The following STAT2 variants were observed in gnomAD, a reference collection of about 807,000 sequenced individuals.
The protein encoded by STAT2 is interferon alpha induced transcriptional activator.
A neutral mutation model predicts 122.3 loss-of-function variants in STAT2; 51 were observed. The ratio of observed to expected loss-of-function variants is 0.42; its 90% CI spans 0.33 to 0.53. STAT2 has a LOEUF of 0.53. STAT2 is among the 20% of genes least tolerant of loss of function. STAT2 has a pLI of 0.10. For synonymous variants in STAT2, 351 were observed against 394.9 expected (o/e 0.89, Z 1.32); for missense variants, 736 against 1,010.3 (o/e 0.73, Z 3.68).
chr12:56,347,185 C>A (rs1424232252), intron 19 of STAT2, among the ~76,000 whole-genome samples: 1 of 151,886 alleles, frequency 6.6e-6, no homozygotes, highest in African/African-American at 2.4e-5. Context: ...CACAGATGAA[C>A]AGCACTTTTT....
intron 8 of STAT2, 142 bp downstream of exon 8, chr12:56,354,324 T>C (rs1879176855): frequency 1.5e-6 from 2 of 1,314,188 alleles, no homozygotes; most frequent in African/African-American, 2.9e-5. Context: ...AGGAGCAGAA[T>C]AGAGCTGCAG....
chr12:56,355,176 G>A (rs1879307890), intron 6 of STAT2, 100 bp downstream of exon 6: 2 of 1,388,764 alleles, frequency 1.4e-6, no homozygotes, highest in Admixed American at 1.8e-5. Context: ...GGGTGTGTCT[G>A]ACAGTGACTA....
chr12:56,352,216 C>T (rs572648858), intron 8 of STAT2, among the ~76,000 whole-genome samples: 3 of 152,094 alleles, frequency 2.0e-5, no homozygotes, highest in African/African-American at 7.2e-5. Flanking sequence ...ACATTTTTAA[C>T]TACTGTACTT....
chr12:56,344,167 G>C lies in STAT2; in HGVS notation c.2103-32C>G, dbSNP rs554169338. On this transcript the variant is annotated intron_variant, in intron 22 of 23. Coordinates refer to ENST00000314128, the MANE Select transcript of STAT2 (RefSeq NM_005419.4). Reference sequence around the variant, plus strand: ...ACCCAAAGACAGACAAAGGGGCAGGGCTCAGTGGTTCAAATGAAATCAGGA... The same window carrying C: ...ACCCAAAGACAGACAAAGGGGCAGGCCTCAGTGGTTCAAATGAAATCAGGA... 3.6e-4 allele frequency: 559 copies of C among 1,532,634 alleles called. 2 individuals are homozygous for C. The highest frequency in any genetic ancestry group is 4.5e-4 in the Non-Finnish European group (508 of 1,134,488). The allele number at this position is 1,532,634 out of a possible 1,614,324, so 94.9% of individuals were successfully genotyped here.
At position 56,350,370 on chromosome 12, in the gene STAT2, TAC is replaced by T. The variant is rs1565653293; in HGVS notation, c.1115+40_1115+41del. ...CTGCCGAATGTGGTTCTGCAGGTCATACACTGTACAGATGTTTGCAGTGTCCT... is the reference window on the plus strand; with the variant it reads ...CTGCCGAATGTGGTTCTGCAGGTCATACTGTACAGATGTTTGCAGTGTCCT... On this transcript the variant is annotated intron_variant, in intron 12 of 23. Coordinates refer to ENST00000314128, the MANE Select transcript of STAT2 (RefSeq NM_005419.4). 2.5e-6 allele frequency: 4 copies of T among 1,579,284 alleles called. No individual in the cohort carries two copies. In the Admixed American group the frequency reaches 5.6e-5, roughly 22 times the overall value.
rs562740965 is a variant in STAT2, at chr12:56,355,877, C to A, written c.286-74G>T. 2.5e-3 allele frequency: 3,641 copies of A among 1,452,166 alleles called. 12 individuals carry two copies. Among genetic ancestry groups the A allele is most frequent in the Non-Finnish European group, 2.9e-3 (3,011 of 1,036,130 alleles). 90.0% of individuals were successfully genotyped at this position (1,452,166 alleles called of 1,614,324 possible). ...GACCTATTGCCCTAGACCCTCCCCA[C>A]CAATGTCCACAGTATTTCCTCCTCC... On this transcript the variant is annotated intron_variant, in intron 3 of 23. Transcript: ENST00000314128.
chr12:56,346,823 A>G lies in STAT2; in HGVS notation c.1857T>C (p.Asp619=). 6.2e-7 allele frequency: 1 copy of G among 1,614,176 alleles called. No individual in the cohort carries two copies. The highest frequency in any genetic ancestry group is 1.1e-5 in the South Asian group (1 of 91,082). The change falls in exon 20 of 24, where the codon GAT becomes GAC. Residue 619 remains aspartate, a synonymous_variant. Transcript: ENST00000314128. Reference sequence around the variant, plus strand: ...TGGCAGGGCAGAGCAGCTGACCATCATCCTGGTGCTCCACCCAGGAGCAGG... The same window carrying G: ...TGGCAGGGCAGAGCAGCTGACCATCGTCCTGGTGCTCCACCCAGGAGCAGG... The part of the protein sequence containing the change: ...GITCSWVEHQ[D]DDKVLIYSVQ...
At chr12:56,354,041 A>G (rs1262826160) in intron 8 of STAT2, among the ~76,000 whole-genome samples, 4 of 44,850 alleles carry the variant, frequency 8.9e-5, no homozygotes, top group African/African-American at 1.4e-4. Context: ...ATATATATAT[A>G]AAAAATACTG....
intron 22 of STAT2, among the ~76,000 whole-genome samples, chr12:56,345,516 A>ATATATATATAT (rs1877269220): frequency 3.8e-5 from 1 of 26,150 alleles, no homozygotes; most frequent in Non-Finnish European, 6.1e-5. Context: ...AAAAAAAAAA[A>ATATATATATAT]AAAAAAAAAT....
In STAT2 at chr12:56,349,501, T is replaced by C; in HGVS notation, c.1266A>G (p.Leu422=). 1 of 1,614,228 alleles carries C rather than the reference T, an allele frequency of 6.2e-7. No individual in the cohort carries two copies. The highest frequency in any genetic ancestry group is 8.5e-7 in the Non-Finnish European group (1 of 1,180,042). ...TGATGTGCAGTTCCTCTGTCACACC[T>C]AGTGGCCCCTGGGACAGCCAAAGAC... ...GSGKGSNKGP[L]GVTEELHIIS... Residue 422 remains leucine (L), a synonymous_variant, in exon 15 of 24, where the codon CTA becomes CTG. Coordinates refer to ENST00000314128, the MANE Select transcript of STAT2 (RefSeq NM_005419.4).
chr12:56,350,293 C>T (rs1878249492), intron 12 of STAT2, 103 bp from the exon 13 acceptor site: 1 of 1,438,898 alleles, frequency 6.9e-7, no homozygotes, highest in African/African-American at 1.4e-5. Flanking sequence ...ATCTCGCCAT[C>T]TCCCTTTGTC....
At chr12:56,348,119 T>C (rs976315235) in intron 19 of STAT2, among the ~76,000 whole-genome samples, 1 of 148,936 alleles carries the variant, frequency 6.7e-6, no homozygotes, top group Non-Finnish European at 1.5e-5. Context: ...GACGGAGTCT[T>C]GCTCGTCACC....
At position 56,348,998 on chromosome 12, in the gene STAT2, C is replaced by T. The variant is rs2066809; in HGVS notation, c.1502G>A (p.Ser501Asn). The T allele has an allele frequency of 2.0e-5, 32 of 1,613,854 alleles. No individual in the cohort carries two copies. In the East Asian group the frequency reaches 6.9e-4, roughly 35 times the overall value. ...APWSLLGPAL[S>N]WQFSSYVGRG... ...GCCAACATAGGAGGAGAACTGCCAA[C>T]TGAGAGCAGGGCCCAGCAAGCTCCA... is the stretch of plus-strand genomic sequence containing the variant. Residue 501 changes from serine to asparagine, a missense_variant, in exon 17 of 24, where the codon AGT becomes AAT. Physicochemically the swap from Ser to Asn is conservative, Grantham distance 46 (BLOSUM62 1). Coordinates refer to ENST00000314128, the MANE Select transcript of STAT2 (RefSeq NM_005419.4).
At position 56,343,864 on chromosome 12, in the gene STAT2, G is replaced by A; in HGVS notation, c.2374C>T (p.Pro792Ser). The stretch of plus-strand genomic sequence containing the variant: ...GTGTTCAAATGTCTCAGATCACAGG[G>A]CAAATCTGGCTCTGGCACTGGCTGT... ...VSQPVPEPDL[P>S]CDLRHLNTEP... The change falls in exon 23 of 24, where the codon CCC becomes TCC. Residue 792 changes from proline to serine, a missense_variant. By Grantham distance (74) the Pro-to-Ser change is moderately conservative (BLOSUM62 -1). Coordinates refer to ENST00000314128, the MANE Select transcript of STAT2 (RefSeq NM_005419.4). 1 of 1,614,194 alleles carries A rather than the reference G, an allele frequency of 6.2e-7. No individual in the cohort carries two copies. Among genetic ancestry groups the A allele is most frequent in the Non-Finnish European group, 8.5e-7 (1 of 1,180,042 alleles).
At position 56,346,758 on chromosome 12, in the gene STAT2, G is replaced by A. The variant is rs1877527397; in HGVS notation, c.1861+61C>T. The A allele has an allele frequency of 4.3e-6, 7 of 1,611,236 alleles. No individual in the cohort carries two copies. The African/African-American group carries it at 5.3e-5, about 12-fold the overall frequency. Reference sequence around the variant, plus strand: ...CAGGGAAGCCAAGGGCAGGCAGAGGGGCAAGAGGGGAGCCAGGCAGAAAGG... The same window carrying A: ...CAGGGAAGCCAAGGGCAGGCAGAGGAGCAAGAGGGGAGCCAGGCAGAAAGG... On this transcript the variant is annotated intron_variant, in intron 20 of 23. Coordinates refer to ENST00000314128, the MANE Select transcript of STAT2 (RefSeq NM_005419.4).
intron 11 of STAT2, 111 bp from the exon 12 acceptor site, chr12:56,350,543 C>T: frequency 2.0e-6 from 2 of 980,812 alleles, no homozygotes; most frequent in Non-Finnish European, 3.0e-6. Flanking sequence ...AGCTCACTAG[C>T]TATGTGGCCT....
rs1592491377 is a variant in STAT2, at chr12:56,356,501, T to A, written c.71A>T (p.His24Leu). ...TCGAATGTCCACAGGCAGGAGGCTG[T>A]GCGAGTAAAGCTGGTGCAGCTGATC... ...FQDQLHQLYS[H>L]SLLPVDIRQY... The change falls in exon 2 of 24, where the codon CAC becomes CTC. Residue 24 changes from histidine to leucine, a missense_variant. Transcript: ENST00000314128. The A allele has an allele frequency of 1.9e-6, 3 of 1,614,166 alleles. No individual in the cohort carries two copies. In the East Asian group the frequency reaches 6.7e-5, roughly 36 times the overall value.
intron 21 of STAT2, 65 bp from the exon 22 acceptor site, chr12:56,346,268 C>A (rs1304806403): frequency 2.5e-6 from 4 of 1,599,922 alleles, no homozygotes; most frequent in South Asian, 1.1e-5. Context: ...TGAGGTTCCC[C>A]TAGTGCAGAT....
At chr12:56,349,691 G>A (rs1878141632) in intron 13 of STAT2, 55 bp from the exon 14 acceptor site, 4 of 1,611,262 alleles carry the variant, frequency 2.5e-6, no homozygotes, top group East Asian at 4.5e-5. Context: ...TAGTGTCCCT[G>A]GAACCCCTGT....
Sources: gnomAD v4.1 joint callset for allele counts (sites outside exome capture counted in the v4.1 genomes callset) on GRCh38, gnomAD v4.1.1 for gene constraint, MANE v1.5 for transcripts, NCBI Gene and HGNC (gene_info 2026-07-23, HGNC 2026-07-21) for gene names.